Variants in SLC35F4 observed in about 807,000 individuals in gnomAD.
SLC35F4 encodes the protein chromosome 14 open reading frame 36.
A neutral mutation model predicts 44.2 loss-of-function variants in SLC35F4; 24 were observed. The observed-to-expected ratio is 0.54, with a 90% confidence interval of 0.39 to 0.76. The LOEUF is 0.76. Ranked by LOEUF, SLC35F4 falls within the 30% of genes least tolerant of loss-of-function variation. SLC35F4 has a pLI of 0.00. For missense variants in SLC35F4, 562 were observed against 586.1 expected (o/e 0.96, Z 0.42); for synonymous variants, 238 against 223.6 (o/e 1.06, Z -0.57).
chr14:57,770,121 G>C (rs929492140), intron 1 of SLC35F4, among the ~76,000 whole-genome samples: 2 of 152,110 alleles, frequency 1.3e-5, no homozygotes, highest in Non-Finnish European at 2.9e-5. Flanking sequence ...GACTCCTCTG[G>C]ATCAGTGAGA....
chr14:57,630,639 T>G lies in SLC35F4; in HGVS notation c.104-36515A>C, dbSNP rs2072722593. ...GTCAAAATCACAGTCTATGTTTAGGTCAAAATCGGTATCAAGGTCTTGGAC... is the reference window on the plus strand; with the variant it reads ...GTCAAAATCACAGTCTATGTTTAGGGCAAAATCGGTATCAAGGTCTTGGAC... On this transcript the variant is annotated intron_variant, in intron 1 of 7. Transcript: ENST00000556826. The G allele has an allele frequency of 3.3e-5, 24 of 737,552 alleles. No homozygotes were observed. The South Asian group carries it at 3.3e-4, about 10-fold the overall frequency. The allele number at this position is 737,552 out of a possible 1,614,324, so 45.7% of individuals were successfully genotyped here.
chr14:57,824,652 T>C (rs1883531386), intron 1 of SLC35F4, among the ~76,000 whole-genome samples: 2 of 152,102 alleles, frequency 1.3e-5, no homozygotes, highest in African/African-American at 2.4e-5. Flanking sequence ...GACATAGAGA[T>C]ATCTGGGGGA....
chr14:57,870,130 G>A (rs534587255), upstream of SLC35F4, among the ~76,000 whole-genome samples: 1 of 127,366 alleles, frequency 7.9e-6, no homozygotes, highest in South Asian at 2.3e-4. Flanking sequence ...TGATCTGTGT[G>A]TGTGTGTGTG....
chr14:57,569,178 T>A (rs2068356648), intron 6 of SLC35F4, among the ~76,000 whole-genome samples: 1 of 152,178 alleles, frequency 6.6e-6, no homozygotes, highest in South Asian at 2.1e-4. Context: ...ATACTGGCAA[T>A]GTCTTCCTAT....
At chr14:57,912,632 A>G (rs1417880029) in intron 1 of SLC35F4, among the ~76,000 whole-genome samples, 2 of 152,084 alleles carry the variant, frequency 1.3e-5, no homozygotes, top group East Asian at 1.9e-4. Flanking sequence ...CTGACAATAG[A>G]CATTGCATGA....
At chr14:57,695,052 A>G (rs1035739218) in intron 1 of SLC35F4, among the ~76,000 whole-genome samples, 10 of 152,180 alleles carry the variant, frequency 6.6e-5, no homozygotes, top group African/African-American at 1.7e-4. Context: ...TGTTAGACCT[A>G]AAACCATAAA....
chr14:57,945,654 G>A (rs1226870571), intron 1 of SLC35F4, among the ~76,000 whole-genome samples: 1 of 152,052 alleles, frequency 6.6e-6, no homozygotes, highest in Non-Finnish European at 1.5e-5. Context: ...GGGATTGCTG[G>A]ATCAAATGGT....
intron 1 of SLC35F4, among the ~76,000 whole-genome samples, chr14:57,812,534 G>A (rs144878296): frequency 9.3e-4 from 142 of 152,306 alleles, no homozygotes; most frequent in African/African-American, 3.2e-3. Flanking sequence ...GGAGCAAGGA[G>A]AGGAGTAAAG....
intron 1 of SLC35F4, among the ~76,000 whole-genome samples, chr14:57,898,415 G>GGT (rs1888930282): frequency 6.6e-6 from 1 of 152,140 alleles, no homozygotes; most frequent in African/African-American, 2.4e-5. Context: ...GTGGTATTGG[G>GGT]GTGTTTTATT....
intron 1 of SLC35F4, among the ~76,000 whole-genome samples, chr14:57,778,835 A>G (rs536456534): frequency 6.6e-6 from 1 of 152,320 alleles, no homozygotes; most frequent in African/African-American, 2.4e-5. Flanking sequence ...TAACCATACA[A>G]TTACATGGAA....
In SLC35F4 at chr14:57,865,770, C is replaced by A; in HGVS notation, c.56G>T (p.Arg19Leu). Reference protein sequence around the residue: ...GVATIEDRILRITGYYGYYPG... With the variant: ...GVATIEDRILLITGYYGYYPG... ...ATAATAGCCATAGTAGCCGGTGATC[C>A]GCAGGATCCGGTCCTCGATAGTGGC... is the stretch of plus-strand genomic sequence containing the variant. The change falls in exon 1 of 8, where the codon CGG (arginine) becomes CTG (leucine). Residue 19 changes from arginine (R) to leucine (L), a missense_variant. Coordinates refer to ENST00000556826, the MANE Select transcript of SLC35F4 (RefSeq NM_001306087.2). 2 of 1,523,742 alleles carry A rather than the reference C, an allele frequency of 1.3e-6. No individual in the cohort carries two copies. Among genetic ancestry groups the A allele is most frequent in the South Asian group, 1.2e-5 (1 of 81,890 alleles). The allele number at this position is 1,523,742 out of a possible 1,614,324, so 94.4% of individuals were successfully genotyped here.
At chr14:57,908,591 G>T (rs1566926955) in intron 1 of SLC35F4, among the ~76,000 whole-genome samples, 1 of 152,000 alleles carries the variant, frequency 6.6e-6, no homozygotes, top group Non-Finnish European at 1.5e-5. Context: ...TCTTCTTTTG[G>T]TAAGTGCCTG....
intron 1 of SLC35F4, among the ~76,000 whole-genome samples, chr14:57,692,730 G>A (rs1464260469): frequency 6.6e-6 from 1 of 151,596 alleles, no homozygotes; most frequent in African/African-American, 2.4e-5. Flanking sequence ...GCTTCTTTTT[G>A]TTCATACCTG....
At chr14:57,650,417 A>G (rs1423641027) in intron 1 of SLC35F4, among the ~76,000 whole-genome samples, 1 of 152,070 alleles carries the variant, frequency 6.6e-6, no homozygotes, top group Non-Finnish European at 1.5e-5. Context: ...TCACCATCCA[A>G]CCAGTTAGTA....
In SLC35F4 at chr14:57,572,192, G is replaced by C. The variant is rs150475640; in HGVS notation, c.808-173C>G. Among the ~76,000 whole-genome samples the C allele has an allele frequency of 3.2e-3, 487 of 152,194 alleles. 2 individuals are homozygous for C. Among genetic ancestry groups the C allele is most frequent in the African/African-American group, 0.011 (457 of 41,492 alleles). ...TAGAAATAAATCAATATGTTCATGA[G>C]ATATCCAGGCACAGAATATAAAAGC... is the stretch of plus-strand genomic sequence containing the variant. On this transcript the variant is annotated intron_variant, in intron 4 of 7. Transcript: ENST00000556826.
intron 1 of SLC35F4, among the ~76,000 whole-genome samples, chr14:57,654,704 C>T (rs1463466986): frequency 6.6e-6 from 1 of 152,178 alleles, no homozygotes; most frequent in Non-Finnish European, 1.5e-5. Context: ...TTTACATTCT[C>T]ACCAGCAATG....
intron 1 of SLC35F4, among the ~76,000 whole-genome samples, chr14:57,817,372 C>T (rs1885060): frequency 6.6e-6 from 1 of 152,032 alleles, no homozygotes; most frequent in Non-Finnish European, 1.5e-5. Context: ...AGCATCCTCC[C>T]TCTTATTAGA....
intron 1 of SLC35F4, among the ~76,000 whole-genome samples, chr14:57,791,210 G>A (rs1231809218): frequency 6.6e-6 from 1 of 152,076 alleles, no homozygotes; most frequent in Admixed American, 6.6e-5. Context: ...CTACAGAATG[G>A]GAGAGAAATT....
chr14:57,889,155 A>G (rs1888708731), intron 1 of SLC35F4, among the ~76,000 whole-genome samples: 1 of 152,220 alleles, frequency 6.6e-6, no homozygotes, highest in Non-Finnish European at 1.5e-5. Flanking sequence ...GAGCTGCCCT[A>G]TATAAACGAT....
Sources: gnomAD v4.1 joint callset for allele counts (sites outside exome capture counted in the v4.1 genomes callset) on GRCh38, gnomAD v4.1.1 for gene constraint, MANE v1.5 for transcripts, NCBI Gene and HGNC (gene_info 2026-07-23, HGNC 2026-07-21) for gene names.